Variants in GREB1L observed in about 807,000 individuals in gnomAD.
GREB1L encodes the protein GREB1 like retinoic acid receptor coactivator.
GREB1L carries 17 observed loss-of-function variants against 200.8 expected under a neutral mutation model. The observed-to-expected ratio is 0.08, with a 90% CI of 0.06 to 0.13. GREB1L has a LOEUF of 0.13. Among genes scored for constraint, GREB1L ranks in the 10% least tolerant of loss-of-function variants. The pLI, the probability that GREB1L is intolerant of heterozygous loss-of-function variation, is 1.00. For synonymous variants in GREB1L, 789 were observed against 893.0 expected (o/e 0.88, Z 2.08); for missense variants, 1,657 against 2,367.7 (o/e 0.70, Z 6.23).
At position 21,295,444 on chromosome 18, in the gene GREB1L, C is replaced by T. The variant is rs367574078; in HGVS notation, c.-120+53051C>T. Among the ~76,000 whole-genome samples, 5 of 152,112 alleles carry T rather than the reference C, an allele frequency of 3.3e-5. No individual in the cohort carries two copies. In the East Asian group the frequency reaches 5.8e-4, roughly 18 times the overall value. On this transcript the variant is annotated intron_variant, in intron 1 of 32. Coordinates refer to ENST00000424526, the MANE Select transcript of GREB1L (RefSeq NM_001142966.3). The stretch of plus-strand genomic sequence containing the variant: ...GAGGAACTGGATATCTGCACCTGTA[C>T]GGCAGGCAGGGTCAAGTCCTGAAAA...
At chr18:21,388,187 C>G (rs1210630987) in intron 4 of GREB1L, among the ~76,000 whole-genome samples, 1 of 152,128 alleles carries the variant, frequency 6.6e-6, no homozygotes, top group Non-Finnish European at 1.5e-5. Flanking sequence ...CTATTCTCTT[C>G]TTAATTAAAT....
intron 15 of GREB1L, among the ~76,000 whole-genome samples, chr18:21,465,005 T>G (rs1265625959): frequency 1.3e-5 from 2 of 152,172 alleles, no homozygotes; most frequent in East Asian, 3.8e-4. Flanking sequence ...ATTGTATATA[T>G]TTTTGATATA....
rs544865194 is a variant in GREB1L at position 21,468,521 on chromosome 18, A to G, written c.2183-4510A>G. ...TTGAATTATACATTATAAATGGGTA[A>G]ATTATATGTGAATACATGCTTATAT... On this transcript the variant is annotated intron_variant, in intron 15 of 32. Transcript: ENST00000424526. Among the ~76,000 whole-genome samples the G allele has an allele frequency of 2.6e-4, 39 of 152,226 alleles. 1 individual carries two copies. The highest frequency in any genetic ancestry group is 4.4e-4 in the Non-Finnish European group (30 of 68,034).
intron 15 of GREB1L, among the ~76,000 whole-genome samples, chr18:21,463,729 C>T (rs2035152053): frequency 6.6e-6 from 1 of 152,164 alleles, no homozygotes; most frequent in Non-Finnish European, 1.5e-5. Context: ...AGGCACATGC[C>T]ACCACACTTG....
chr18:21,305,881 G>T (rs1311684828), intron 1 of GREB1L, among the ~76,000 whole-genome samples: 1 of 151,898 alleles, frequency 6.6e-6, no homozygotes, highest in Non-Finnish European at 1.5e-5. Flanking sequence ...GCTGATCTTT[G>T]TCCTGGAATA....
At chr18:21,359,745 A>T (rs1229611691) in intron 1 of GREB1L, among the ~76,000 whole-genome samples, 5 of 152,208 alleles carry the variant, frequency 3.3e-5, no homozygotes, top group Non-Finnish European at 7.3e-5. Context: ...CTTAATGAAG[A>T]TTGGATATTT....
chr18:21,391,214 ATTTT>A (rs1311430922), intron 4 of GREB1L, among the ~76,000 whole-genome samples: 3 of 152,120 alleles, frequency 2.0e-5, no homozygotes, highest in Non-Finnish European at 1.5e-5. Flanking sequence ...CAGGTGTGTC[ATTTT>A]TTATCTTTTA....
intron 2 of GREB1L, chr18:21,380,376 A>G (rs2040252225): frequency 6.6e-6 from 1 of 152,180 alleles, no homozygotes; most frequent in Non-Finnish European, 1.5e-5. Context: ...ACACTGATGC[A>G]TCCTCAGGGT....
chr18:21,328,475 G>C (rs2039058070), intron 1 of GREB1L, among the ~76,000 whole-genome samples: 1 of 152,210 alleles, frequency 6.6e-6, no homozygotes, highest in African/African-American at 2.4e-5. Context: ...GTCTGCAGTA[G>C]TTCAAATGGA....
chr18:21,406,074 A>AC (rs1189111675), intron 7 of GREB1L, among the ~76,000 whole-genome samples: 1 of 151,746 alleles, frequency 6.6e-6, no homozygotes, highest in Non-Finnish European at 1.5e-5. Flanking sequence ...AAAAAAAAAA[A>AC]AGAACAATAA....
In GREB1L at chr18:21,490,219, G is replaced by T; in HGVS notation, c.2898G>T (p.Gln966His). 6.4e-7 allele frequency: 1 copy of T among 1,551,844 alleles called. No individual in the cohort carries two copies. Among genetic ancestry groups the T allele is most frequent in the South Asian group, 1.2e-5 (1 of 84,058 alleles). The part of the protein sequence containing the change: ...HMLIIRVPSV[Q>H]LAMLAKERLQ... ...TCATTATCAGGGTGCCCTCGGTGCA[G>T]CTGGCGATGTTAGCCAAGGAGCGGC... The change falls in exon 19 of 33, where the codon CAG becomes CAT. Residue 966 changes from glutamine to histidine, a missense_variant. Gln to His is a conservative substitution (Grantham distance 24). Coordinates refer to ENST00000424526, the MANE Select transcript of GREB1L (RefSeq NM_001142966.3).
intron 19 of GREB1L, among the ~76,000 whole-genome samples, chr18:21,490,692 A>G (rs1019305488): frequency 6.6e-6 from 1 of 152,124 alleles, no homozygotes; most frequent in African/African-American, 2.4e-5. Context: ...AAAAAAAGGT[A>G]AGTTATCCTC....
chr18:21,494,406 C>T (rs529014288), intron 19 of GREB1L, among the ~76,000 whole-genome samples: 1 of 152,078 alleles, frequency 6.6e-6, no homozygotes, highest in Non-Finnish European at 1.5e-5. Context: ...TTTATTGAGC[C>T]TTTTCTTTAT....
intron 17 of GREB1L, among the ~76,000 whole-genome samples, chr18:21,481,571 G>A (rs1417335691): frequency 4.0e-5 from 6 of 149,320 alleles, no homozygotes; most frequent in African/African-American, 1.2e-4. Context: ...TTTTACAAAC[G>A]AAACACGCCT....
At chr18:21,389,891 G>A (rs1183172561) in intron 4 of GREB1L, among the ~76,000 whole-genome samples, 3 of 152,144 alleles carry the variant, frequency 2.0e-5, no homozygotes, top group Non-Finnish European at 4.4e-5. Flanking sequence ...ATCTGAAAAG[G>A]CCACAGGGAA....
intron 19 of GREB1L, among the ~76,000 whole-genome samples, chr18:21,494,048 G>A (rs777638268): frequency 1.3e-5 from 2 of 152,032 alleles, no homozygotes; most frequent in Non-Finnish European, 2.9e-5. Context: ...CAGTGTGAAT[G>A]TGATCAGTAA....
intron 1 of GREB1L, among the ~76,000 whole-genome samples, chr18:21,355,626 C>A (rs1264307757): frequency 6.6e-6 from 1 of 152,158 alleles, no homozygotes; most frequent in African/African-American, 2.4e-5. Context: ...AATTGAGAAG[C>A]AGCCTATGGA....
At chr18:21,330,819 C>T (rs2039096625) in intron 1 of GREB1L, among the ~76,000 whole-genome samples, 1 of 152,030 alleles carries the variant, frequency 6.6e-6, no homozygotes, top group South Asian at 2.1e-4. Flanking sequence ...CATATGCCAT[C>T]CCAACTCCCC....
At chr18:21,287,129 C>A (rs1598631019) in intron 1 of GREB1L, among the ~76,000 whole-genome samples, 1 of 151,942 alleles carries the variant, frequency 6.6e-6, no homozygotes, top group Admixed American at 6.6e-5. Flanking sequence ...TCTAGTAGAG[C>A]AATTATATAG....
Sources: gnomAD v4.1 joint callset for allele counts (sites outside exome capture counted in the v4.1 genomes callset) on GRCh38, gnomAD v4.1.1 for gene constraint, MANE v1.5 for transcripts, NCBI Gene and HGNC (gene_info 2026-07-23, HGNC 2026-07-21) for gene names.